The following ZFPM2 variants were observed in gnomAD, a reference collection of about 807,000 sequenced individuals.
ZFPM2 encodes the protein zinc finger protein, FOG family member 2.
In ZFPM2, 20 loss-of-function variants were observed where a neutral mutation model predicts 98.6. The ratio of observed to expected loss-of-function variants is 0.20; its 90% CI spans 0.14 to 0.29. ZFPM2 has a LOEUF of 0.29. Ranked by LOEUF, ZFPM2 falls within the 10% of genes least tolerant of loss-of-function variation. The pLI is 1.00. For missense variants in ZFPM2, 1,310 were observed against 1,388.6 expected (o/e 0.94, Z 0.90); for synonymous variants, 518 against 502.7 (o/e 1.03, Z -0.41).
At chr8:105,758,891 A>C (rs549354082) in intron 5 of ZFPM2, among the ~76,000 whole-genome samples, 1 of 152,264 alleles carries the variant, frequency 6.6e-6, no homozygotes, top group South Asian at 2.1e-4. Flanking sequence ...TAGGAAACTC[A>C]TGCCTGATGG....
intron 7 of ZFPM2, 51 bp from the exon 8 acceptor site, chr8:105,800,996 A>C: frequency 6.5e-7 from 1 of 1,534,562 alleles, no homozygotes; most frequent in Non-Finnish European, 8.8e-7. Context: ...CCTGTCATTC[A>C]AAAACCAACA....
intron 5 of ZFPM2, among the ~76,000 whole-genome samples, chr8:105,679,470 A>G (rs1001872819): frequency 9.9e-5 from 15 of 152,154 alleles, no homozygotes; most frequent in Non-Finnish European, 1.8e-4. Flanking sequence ...TAACAAAGTC[A>G]CTCAATTTGG....
chr8:105,465,848 T>G (rs879246740), intron 3 of ZFPM2, among the ~76,000 whole-genome samples: 5 of 152,002 alleles, frequency 3.3e-5, no homozygotes, highest in African/African-American at 9.7e-5. Context: ...CCAAATATTT[T>G]ATAATAAATA....
At chr8:105,423,954 A>G (rs185081984) in intron 2 of ZFPM2, among the ~76,000 whole-genome samples, 45 of 152,300 alleles carry the variant, frequency 3.0e-4, no homozygotes, top group African/African-American at 1.0e-3. Flanking sequence ...AATCAGATCA[A>G]TGTCACTGGT....
chr8:105,620,144 A>C (rs1389886324), intron 4 of ZFPM2, among the ~76,000 whole-genome samples: 1 of 152,178 alleles, frequency 6.6e-6, no homozygotes, highest in Non-Finnish European at 1.5e-5. Flanking sequence ...TTACAGTCCC[A>C]CCAACAGTGT....
chr8:105,366,753 A>G lies in ZFPM2; in HGVS notation c.40+47772A>G, dbSNP rs909183724. Among the ~76,000 whole-genome samples, 98 of 145,442 alleles carry G rather than the reference A, an allele frequency of 6.7e-4. 1 individual carries two copies. Among genetic ancestry groups the G allele is most frequent in the Admixed American group, 5.8e-4 (8 of 13,680 alleles). On this transcript the variant is annotated intron_variant, in intron 1 of 7. Coordinates refer to ENST00000407775, the MANE Select transcript of ZFPM2 (RefSeq NM_012082.4). ...TCTCATTGTTCAATTCCCACCTATG[A>G]GTGAGAATATGCGGTGTTTGGGTTT... is the stretch of plus-strand genomic sequence containing the variant.
intron 1 of ZFPM2, among the ~76,000 whole-genome samples, chr8:105,417,182 G>A (rs1237723536): frequency 3.3e-5 from 5 of 152,036 alleles, no homozygotes; most frequent in Non-Finnish European, 5.9e-5. Context: ...TTTCACATTA[G>A]CGTTTTCACT....
chr8:105,495,422 C>T (rs1813447354), intron 3 of ZFPM2, among the ~76,000 whole-genome samples: 1 of 152,158 alleles, frequency 6.6e-6, no homozygotes, highest in South Asian at 2.1e-4. Context: ...TCCCTTGATA[C>T]AGGAAAGAAT....
chr8:105,374,499 C>T (rs1190943925), intron 1 of ZFPM2, among the ~76,000 whole-genome samples: 1 of 151,934 alleles, frequency 6.6e-6, no homozygotes, highest in African/African-American at 2.4e-5. Flanking sequence ...CTTTCTCCCC[C>T]TTCAGCCTCA....
At chr8:105,710,642 C>T (rs1811362056) in intron 5 of ZFPM2, among the ~76,000 whole-genome samples, 1 of 150,010 alleles carries the variant, frequency 6.7e-6, no homozygotes, top group African/African-American at 2.5e-5. Context: ...TCAATCTTAA[C>T]ATTTCTAAAA....
intron 5 of ZFPM2, among the ~76,000 whole-genome samples, chr8:105,717,390 T>C (rs951362127): frequency 4.6e-5 from 7 of 152,066 alleles, no homozygotes; most frequent in Non-Finnish European, 7.4e-5. Flanking sequence ...TGTCATTATT[T>C]CTGCAAGACC....
chr8:105,528,500 T>G (rs1371407606), intron 3 of ZFPM2, among the ~76,000 whole-genome samples: 3 of 152,140 alleles, frequency 2.0e-5, no homozygotes, highest in Non-Finnish European at 4.4e-5. Context: ...TTTACCATTC[T>G]GGCCTGTTTT....
intron 5 of ZFPM2, among the ~76,000 whole-genome samples, chr8:105,763,755 T>C (rs1812790801): frequency 6.6e-6 from 1 of 151,892 alleles, no homozygotes; most frequent in African/African-American, 2.4e-5. Flanking sequence ...AAAAGGCCAC[T>C]TCTTTGCATT....
At chr8:105,592,219 C>CT (rs1331596984) in intron 4 of ZFPM2, among the ~76,000 whole-genome samples, 2 of 151,854 alleles carry the variant, frequency 1.3e-5, no homozygotes, top group Admixed American at 6.6e-5. Flanking sequence ...GCCTGGGAAT[C>CT]TTTTTTTTCC....
At chr8:105,705,811 C>A (rs1284874280) in intron 5 of ZFPM2, among the ~76,000 whole-genome samples, 2 of 152,128 alleles carry the variant, frequency 1.3e-5, no homozygotes, top group Non-Finnish European at 2.9e-5. Context: ...AAACTCAGTT[C>A]TTTCTCCAAA....
intron 5 of ZFPM2, among the ~76,000 whole-genome samples, chr8:105,673,955 G>A (rs1817643383): frequency 6.6e-6 from 1 of 152,192 alleles, no homozygotes; most frequent in Non-Finnish European, 1.5e-5. Flanking sequence ...TTAAAACTAT[G>A]AGAATTTGAT....
chr8:105,501,628 C>T (rs1341600281), intron 3 of ZFPM2, among the ~76,000 whole-genome samples: 2 of 151,590 alleles, frequency 1.3e-5, no homozygotes, highest in Admixed American at 6.6e-5. Flanking sequence ...CTCAGCCTCC[C>T]GAGTAGCTGG....
At chr8:105,550,317 G>A (rs1390054852) in intron 3 of ZFPM2, among the ~76,000 whole-genome samples, 1 of 152,116 alleles carries the variant, frequency 6.6e-6, no homozygotes, top group South Asian at 2.1e-4. Context: ...TCTAATGGCT[G>A]CTGATATGAT....
At chr8:105,570,791 A>G (rs1015796304) in intron 4 of ZFPM2, among the ~76,000 whole-genome samples, 5 of 152,174 alleles carry the variant, frequency 3.3e-5, no homozygotes, top group Admixed American at 6.5e-5. Context: ...AATTTTATTT[A>G]TGGACCTAAC....
Sources: allele counts gnomAD v4.1 joint callset (sites outside exome capture counted in the v4.1 genomes callset), GRCh38; gene constraint gnomAD v4.1.1; transcripts MANE v1.5; gene names NCBI Gene and HGNC (gene_info 2026-07-23, HGNC 2026-07-21).